EGFR: variants seen among roughly 807,000 people sequenced by gnomAD.
EGFR encodes the protein avian erythroblastic leukemia viral (v-erb-b) oncogene homolog.
EGFR carries 58 observed loss-of-function variants against 143.0 expected under a neutral mutation model. That is an observed-to-expected ratio of 0.41 (90% CI 0.33 to 0.50). The LOEUF is 0.50. Among genes scored for constraint, EGFR ranks in the 20% least tolerant of loss-of-function variants. The pLI, the probability that EGFR is intolerant of heterozygous loss-of-function variation, is 0.39. For synonymous variants in EGFR, 613 were observed against 594.4 expected (o/e 1.03, Z -0.45); for missense variants, 1,307 against 1,579.0 (o/e 0.83, Z 2.92).
intron 1 of EGFR, among the ~76,000 whole-genome samples, chr7:55,141,797 A>G (rs1242517520): frequency 1.3e-5 from 2 of 152,200 alleles, no homozygotes; most frequent in Admixed American, 6.5e-5. Context: ...TATTTTTGAG[A>G]AGTAAAAAGT....
rs1243474404 is a variant in EGFR, at chr7:55,156,528, T to C, written c.1007-5T>C. 9 of 1,614,088 alleles carry C rather than the reference T, an allele frequency of 5.6e-6. No individual in the cohort carries two copies. The highest frequency in any genetic ancestry group is 3.3e-4 in the Middle Eastern group (2 of 6,084). On this transcript the variant is annotated splice_region_variant and splice_polypyrimidine_tract_variant and intron_variant, in intron 8 of 27. Transcript: ENST00000275493. ...ACGGAATACACGTCTCTCTTATCTC[T>C]GCAGTGTGTAACGGAATAGGTATTG... is the stretch of plus-strand genomic sequence containing the variant.
At chr7:55,128,037 C>T (rs1292357596) in intron 1 of EGFR, among the ~76,000 whole-genome samples, 3 of 152,198 alleles carry the variant, frequency 2.0e-5, no homozygotes, top group African/African-American at 7.2e-5. Context: ...GCTTCCCATC[C>T]TCCTGGAGTG....
At chr7:55,184,089 C>T (rs998971301) in intron 20 of EGFR, among the ~76,000 whole-genome samples, 6 of 152,246 alleles carry the variant, frequency 3.9e-5, no homozygotes, top group African/African-American at 1.4e-4. Flanking sequence ...GCCGTGTGAA[C>T]GGGGGCACGT....
intron 10 of EGFR, 86 bp downstream of exon 10, chr7:55,156,918 A>C: frequency 6.3e-7 from 1 of 1,594,136 alleles, no homozygotes; most frequent in Non-Finnish European, 8.6e-7. Flanking sequence ...GTTCCCTTGG[A>C]ATAAAAACAT....
chr7:55,190,452 G>C (rs919740963), intron 20 of EGFR, among the ~76,000 whole-genome samples: 2 of 151,736 alleles, frequency 1.3e-5, no homozygotes, highest in Non-Finnish European at 2.9e-5. Flanking sequence ...GCCTGAGAAA[G>C]AAAAAATTTT....
rs184665298 is a variant in EGFR at position 55,090,115 on chromosome 7, C to T, written c.89-52171C>T. Among the ~76,000 whole-genome samples the T allele has an allele frequency of 5.3e-3, 813 of 152,170 alleles. 7 individuals are homozygous for T. The highest frequency in any genetic ancestry group is 0.019 in the African/African-American group (775 of 41,514). ...TCCTCAGTAGCTGAGATTACAGGCA[C>T]GTGCCACCACGCCCAGCTAATTTTT... On this transcript the variant is annotated intron_variant, in intron 1 of 27. Transcript: ENST00000275493.
At chr7:55,090,655 A>G (rs1791055875) in intron 1 of EGFR, among the ~76,000 whole-genome samples, 1 of 152,230 alleles carries the variant, frequency 6.6e-6, no homozygotes, top group Non-Finnish European at 1.5e-5. Flanking sequence ...ATTGAAAATC[A>G]GAGCTCAGAC....
intron 1 of EGFR, among the ~76,000 whole-genome samples, chr7:55,092,553 C>A (rs375446515): frequency 2.0e-5 from 3 of 152,336 alleles, no homozygotes; most frequent in African/African-American, 4.8e-5. Context: ...CTCTGATTTT[C>A]ATTCCCTAGA....
At chr7:55,171,110 T>C (rs1562781981) in intron 15 of EGFR, 65 bp from the exon 16 acceptor site, 2 of 1,608,626 alleles carry the variant, frequency 1.2e-6, no homozygotes, top group East Asian at 4.5e-5. Flanking sequence ...TAATTAAAAA[T>C]CTCCAAAATA....
In EGFR at chr7:55,194,736, T is replaced by TG. The variant is rs1238958359; in HGVS notation, c.2701+1896dup. On this transcript the variant is annotated intron_variant, in intron 22 of 27. Transcript: ENST00000275493. The stretch of plus-strand genomic sequence containing the variant: ...AGCCCTCTCAAAGTCAGTGGCTTAG[T>TG]GCCTTGATGTGGTCACACCCATTCT... Among the ~76,000 whole-genome samples, 10 of 152,342 alleles carry TG rather than the reference T, an allele frequency of 6.6e-5. No homozygotes were observed. The East Asian group carries it at 1.9e-3, about 29-fold the overall frequency.
At chr7:55,205,163 T>C (rs1325415195) in intron 27 of EGFR, 93 bp from the exon 28 acceptor site, 3 of 1,554,372 alleles carry the variant, frequency 1.9e-6, no homozygotes, top group African/African-American at 1.4e-5. Flanking sequence ...TAAGTCTCCT[T>C]GTTGAGGACA....
rs144981007 is a variant in EGFR at position 55,030,266 on chromosome 7, A to T, written c.88+10901A>T. Reference sequence around the variant, plus strand: ...TAGTTCTATTTGTGAATCAAAGGCTAAATAAAGTATTCCTCAAAATTTGTT... The same window carrying T: ...TAGTTCTATTTGTGAATCAAAGGCTTAATAAAGTATTCCTCAAAATTTGTT... On this transcript the variant is annotated intron_variant, in intron 1 of 27. Coordinates refer to ENST00000275493, the MANE Select transcript of EGFR (RefSeq NM_005228.5). Among the ~76,000 whole-genome samples, 33 of 152,338 alleles carry T rather than the reference A, an allele frequency of 2.2e-4. No individual in the cohort carries two copies. In the East Asian group the frequency reaches 6.2e-3, roughly 28 times the overall value.
At chr7:55,125,978 C>A (rs998156617) in intron 1 of EGFR, among the ~76,000 whole-genome samples, 1 of 152,188 alleles carries the variant, frequency 6.6e-6, no homozygotes, top group African/African-American at 2.4e-5. Flanking sequence ...TCAGCTTCAT[C>A]TCTGCTAGGC....
At position 55,207,797 on chromosome 7, in the gene EGFR, A is replaced by G. The variant is rs1788145623; in HGVS notation, c.*2180A>G. On this transcript the variant is annotated 3_prime_UTR_variant, in exon 28 of 28. Transcript: ENST00000275493. ...AGTTGCAGCCCCCAGGGGGATTTTGAGCTATCATCTCTGCACATGCTTAGT... is the reference window on the plus strand; with the variant it reads ...AGTTGCAGCCCCCAGGGGGATTTTGGGCTATCATCTCTGCACATGCTTAGT... 1 of 152,280 alleles carries G rather than the reference A, an allele frequency of 6.6e-6. No individual in the cohort carries two copies. The allele number at this position is 152,280 out of a possible 1,614,324, so 9.4% of individuals were successfully genotyped here. A position where few individuals can be genotyped will look rare whatever the true frequency, so the allele number is the denominator to read the frequency against.
At chr7:55,023,465 C>T (rs565082352) in intron 1 of EGFR, among the ~76,000 whole-genome samples, 5 of 151,920 alleles carry the variant, frequency 3.3e-5, no homozygotes, top group South Asian at 2.1e-4. Context: ...CTGACCAACA[C>T]GGTGAAACCC....
intron 20 of EGFR, chr7:55,182,032 G>C (rs906622727): frequency 5.5e-6 from 1 of 183,480 alleles, no homozygotes; most frequent in African/African-American, 2.4e-5. Context: ...GGCTGAGAGA[G>C]CAGAGTGGTC....
intron 1 of EGFR, among the ~76,000 whole-genome samples, chr7:55,131,408 T>C (rs1263515448): frequency 6.6e-6 from 1 of 151,868 alleles, no homozygotes; most frequent in Admixed American, 6.6e-5. Flanking sequence ...GGACTGCTCA[T>C]TGGTAAAATT....
At chr7:55,156,714 C>T in intron 9 of EGFR, 45 bp from the exon 10 acceptor site, 1 of 1,614,190 alleles carries the variant, frequency 6.2e-7, no homozygotes, top group African/African-American at 1.3e-5. Flanking sequence ...GCCTTTTTAA[C>T]TGGTAGAGAT....
intron 1 of EGFR, among the ~76,000 whole-genome samples, chr7:55,141,462 T>C (rs1794453078): frequency 6.6e-6 from 1 of 152,130 alleles, no homozygotes; most frequent in Admixed American, 6.5e-5. Context: ...TGTATGCTGG[T>C]GGTGAGGGAA....
Sources: gnomAD v4.1 joint callset for allele counts (sites outside exome capture counted in the v4.1 genomes callset) on GRCh38, gnomAD v4.1.1 for gene constraint, MANE v1.5 for transcripts, NCBI Gene and HGNC (gene_info 2026-07-23, HGNC 2026-07-21) for gene names.